ADI1: variants seen among roughly 807,000 people sequenced by gnomAD.
ADI1 encodes the protein acireductone dioxygenase 1.
A neutral mutation model predicts 18.7 loss-of-function variants in ADI1; 21 were observed. That is an observed-to-expected ratio of 1.13 (90% CI 0.80 to 1.62). ADI1 has a LOEUF of 1.62. ADI1 is among the 40% of genes most tolerant of loss of function. The probability of loss-of-function intolerance (pLI) is 0.00; values close to 1 mark genes in which losing one functional copy is unlikely to be tolerated. For synonymous variants in ADI1, 90 were observed against 100.1 expected (o/e 0.90, Z 0.60); for missense variants, 245 against 254.9 (o/e 0.96, Z 0.26).
At chr2:3,515,467 TTAAGA>T (rs142899161) in intron 1 of ADI1, 75,608 of 152,108 alleles carry the variant, frequency 0.5, 22,068 homozygotes, top group Non-Finnish European at 0.64. Flanking sequence ...TTTCTGTTAT[TTAAGA>T]TGTTTATCAA....
chr2:3,514,081 T>A, intron 1 of ADI1, 105 bp from the exon 2 acceptor site: 1 of 1,375,510 alleles, frequency 7.3e-7, no homozygotes, highest in Non-Finnish European at 9.7e-7. Flanking sequence ...AAATTTATCA[T>A]TTGTTATTTT....
In ADI1 at chr2:3,498,104, C is replaced by A. The variant is rs1275318880; in HGVS notation, c.*859G>T. Reference sequence around the variant, plus strand: ...TGTGGAGGTGATTAAGAAAATTAATCCTAACATGAAGATTTTTCATCCAGT... The same window carrying A: ...TGTGGAGGTGATTAAGAAAATTAATACTAACATGAAGATTTTTCATCCAGT... On this transcript the variant is annotated 3_prime_UTR_variant, in exon 4 of 4. Coordinates refer to ENST00000327435, the MANE Select transcript of ADI1 (RefSeq NM_018269.4). 6.6e-6 allele frequency: 1 copy of A among 152,046 alleles called. No individual in the cohort carries two copies. 9.4% of individuals were successfully genotyped at this position (152,046 alleles called of 1,614,324 possible).
At chr2:3,508,334 CAAAAAAAAAAAAA>C (rs33977448) in intron 2 of ADI1, among the ~76,000 whole-genome samples, 1 of 26,922 alleles carries the variant, frequency 3.7e-5, no homozygotes, top group East Asian at 1.7e-3. Context: ...GACTCTGTCT[CAAAAAAAAAAAAA>C]AAAAAAAAAA....
chr2:3,499,337 C>T (rs10204231), intron 3 of ADI1, among the ~76,000 whole-genome samples: 45,536 of 152,004 alleles, frequency 0.3, 9,848 homozygotes, highest in African/African-American at 0.61. Context: ...GAACTCCGCA[C>T]CTCCGTGCTC....
rs180984159 is a variant in ADI1, at chr2:3,511,279, G to C, written c.240+2578C>G. 2.8e-4 allele frequency among the ~76,000 whole-genome samples: 43 copies of C among 152,226 alleles called. 1 individual carries two copies. Among genetic ancestry groups the C allele is most frequent in the African/African-American group, 8.2e-4 (34 of 41,532 alleles). On this transcript the variant is annotated intron_variant, in intron 2 of 3. Coordinates refer to ENST00000327435, the MANE Select transcript of ADI1 (RefSeq NM_018269.4). Reference sequence around the variant, plus strand: ...GGCCTCTCTAGAAGCAGATGGTGGTGCCAGGAAGCAGATGTTTCCTGTACA... The same window carrying C: ...GGCCTCTCTAGAAGCAGATGGTGGTCCCAGGAAGCAGATGTTTCCTGTACA...
chr2:3,510,143 CAAAA>C (rs757457209), intron 2 of ADI1, among the ~76,000 whole-genome samples: 2 of 66,608 alleles, frequency 3.0e-5, no homozygotes, highest in African/African-American at 5.5e-5. Flanking sequence ...AACTCTGTCT[CAAAA>C]AAAAAAAAAA....
intron 1 of ADI1, chr2:3,516,158 A>T: frequency 6.6e-6 from 4 of 609,316 alleles, no homozygotes; most frequent in Non-Finnish European, 8.2e-6. Flanking sequence ...TCATGAGGGC[A>T]AGCCCTCATT....
At chr2:3,519,002 C>T (rs11684814) in intron 1 of ADI1, among the ~76,000 whole-genome samples, 1 of 151,412 alleles carries the variant, frequency 6.6e-6, no homozygotes, top group African/African-American at 2.4e-5. Context: ...AGCCCCGCTG[C>T]TGAGCATGCG....
chr2:3,501,397 C>A (rs1667003287), intron 2 of ADI1, among the ~76,000 whole-genome samples: 1 of 152,186 alleles, frequency 6.6e-6, no homozygotes, highest in South Asian at 2.1e-4. Flanking sequence ...ACACCCTGGC[C>A]CCATGCTCAC....
intron 1 of ADI1, chr2:3,517,107 C>T (rs1667426058): frequency 5.8e-6 from 1 of 171,226 alleles, no homozygotes; most frequent in East Asian, 1.9e-4. Context: ...ATGCCATATG[C>T]CACTTGATCA....
intron 2 of ADI1, among the ~76,000 whole-genome samples, chr2:3,505,158 G>A (rs1667149245): frequency 6.6e-6 from 1 of 152,240 alleles, no homozygotes; most frequent in African/African-American, 2.4e-5. Context: ...ACCTGCATAT[G>A]TTTTCTAAAG....
Position 3,498,431 on chromosome 2 carries a change from A to C in ADI1, c.*532T>G, listed in dbSNP as rs928650798. The C allele has an allele frequency of 6.6e-6, 1 of 152,296 alleles. No homozygotes were observed. The highest frequency in any genetic ancestry group is 2.4e-5 in the African/African-American group (1 of 41,456). 9.4% of individuals were successfully genotyped at this position (152,296 alleles called of 1,614,324 possible). A position where few individuals can be genotyped will look rare whatever the true frequency, so the allele number is the denominator to read the frequency against. ...AAAATATCACATATACCTGAATATA[A>C]GGTAACTCCAAGCCATGAGTATAAG... On this transcript the variant is annotated 3_prime_UTR_variant, in exon 4 of 4. Transcript: ENST00000327435.
Position 3,498,866 on chromosome 2 carries a change from G to C in ADI1, c.*97C>G. ...AAAGGAAAGATAATCTAGCCTCAAG[G>C]CTATCCTCTAAAAGCAAAGAGAAAG... On this transcript the variant is annotated 3_prime_UTR_variant, in exon 4 of 4. Transcript: ENST00000327435. 1 of 1,485,728 alleles carries C rather than the reference G, an allele frequency of 6.7e-7. No homozygotes were observed. Among genetic ancestry groups the C allele is most frequent in the Non-Finnish European group, 9.1e-7 (1 of 1,101,950 alleles). The allele number at this position is 1,485,728 out of a possible 1,614,324, so 92.0% of individuals were successfully genotyped here.
chr2:3,519,328 G>A, intron 1 of ADI1, 40 bp downstream of exon 1: 8 of 1,351,012 alleles, frequency 5.9e-6, no homozygotes, highest in African/African-American at 1.5e-5. Flanking sequence ...TTTGGGGGTC[G>A]GCGTCGCCCG....
intron 2 of ADI1, among the ~76,000 whole-genome samples, chr2:3,508,001 A>T (rs1667211887): frequency 6.6e-6 from 1 of 152,104 alleles, no homozygotes; most frequent in Admixed American, 6.6e-5. Context: ...TAAAATGTTC[A>T]ATTAAAACCA....
chr2:3,500,814 C>T lies in ADI1; in HGVS notation c.420G>A (p.Lys140=), dbSNP rs1174373430. ...TGGGGAGAAAGCACAGCACTCCCAC[C>T]TTCTCGTCCACCGTGAAGCGGTGAT... ...GIYHRFTVDE[K]NYTKAMRLFV... is the part of the protein sequence containing the mutation. Residue 140 remains lysine, a splice_region_variant and synonymous_variant, in exon 3 of 4, where the codon AAG becomes AAA. Coordinates refer to ENST00000327435, the MANE Select transcript of ADI1 (RefSeq NM_018269.4). 1 of 1,613,940 alleles carries T rather than the reference C, an allele frequency of 6.2e-7. No homozygotes were observed. Among genetic ancestry groups the T allele is most frequent in the Admixed American group, 1.7e-5 (1 of 60,012 alleles).
Position 3,519,382 on chromosome 2 carries a change from C to G in ADI1, c.106G>C (p.Val36Leu), listed in dbSNP as rs1423858824. The G allele has an allele frequency of 2.1e-6, 3 of 1,427,976 alleles. No individual in the cohort carries two copies. The highest frequency in any genetic ancestry group is 2.7e-6 in the Non-Finnish European group (3 of 1,098,236). The allele number at this position is 1,427,976 out of a possible 1,614,324, so 88.5% of individuals were successfully genotyped here. A position where few individuals can be genotyped will look rare whatever the true frequency, so the allele number is the denominator to read the frequency against. ...GGCTCGCGTACCTTCCAGTAGAGCA[C>G]CCCGAGCCGCCGCAGCTGCTCCAGG... Reference protein sequence around the residue: ...VGLEQLRRLGVLYWKLDADKY... With the variant: ...VGLEQLRRLGLLYWKLDADKY... Residue 36 changes from valine (V) to leucine (L), a missense_variant, in exon 1 of 4, where the codon GTG becomes CTG. By Grantham distance (32) the Val-to-Leu change is conservative. Transcript: ENST00000327435.
chr2:3,516,774 AG>A, intron 1 of ADI1: 1 of 985,374 alleles, frequency 1.0e-6, no homozygotes, highest in Non-Finnish European at 1.2e-6. Context: ...GTATGACAAA[AG>A]GTTTTTTAGA....
intron 1 of ADI1, among the ~76,000 whole-genome samples, 192 bp from the exon 2 acceptor site, chr2:3,514,168 A>G (rs1667350859): frequency 6.6e-6 from 1 of 152,188 alleles, no homozygotes; most frequent in Non-Finnish European, 1.5e-5. Context: ...CCAGCTATAC[A>G]TACAATGGAG....
Sources: allele counts gnomAD v4.1 joint callset (sites outside exome capture counted in the v4.1 genomes callset), GRCh38; gene constraint gnomAD v4.1.1; transcripts MANE v1.5; gene names NCBI Gene and HGNC (gene_info 2026-07-23, HGNC 2026-07-21).